ITSN2: variants seen among roughly 807,000 people sequenced by gnomAD.
The protein encoded by ITSN2 is intersectin 2.
ITSN2 carries 156 observed loss-of-function variants against 243.7 expected under a neutral mutation model. That is an observed-to-expected ratio of 0.64 (90% CI 0.56 to 0.73). ITSN2 has a LOEUF of 0.73. Among genes scored for constraint, ITSN2 ranks in the 30% least tolerant of loss-of-function variants. The pLI, the probability that ITSN2 is intolerant of heterozygous loss-of-function variation, is 0.00. For synonymous variants in ITSN2, 703 were observed against 699.9 expected, an observed-to-expected ratio of 1.00 and a Z score of -0.07; for missense variants, 1,801 against 1,996.1, an observed-to-expected ratio of 0.90 and a Z score of 1.86.
intron 12 of ITSN2, 57 bp downstream of exon 12, chr2:24,299,852 T>C (rs1681494268): frequency 7.1e-6 from 10 of 1,399,336 alleles, no homozygotes; most frequent in African/African-American, 1.5e-5. Context: ...TCAAATGAAA[T>C]ATAGTCACTT....
At chr2:24,268,447 C>G (rs984407951) in intron 20 of ITSN2, among the ~76,000 whole-genome samples, 3 of 152,136 alleles carry the variant, frequency 2.0e-5, no homozygotes, top group African/African-American at 7.2e-5. Context: ...AGCCTTCTAG[C>G]CTTTTCAAGA....
At chr2:24,248,524 GGAATGA>G in intron 27 of ITSN2, 99 bp downstream of exon 27, 1 of 843,246 alleles carries the variant, frequency 1.2e-6, no homozygotes, top group Non-Finnish European at 1.8e-6. Flanking sequence ...ACCTCTAAGT[GGAATGA>G]TTATGGGTGA....
At chr2:24,340,200 G>T (rs915526087) in intron 1 of ITSN2, among the ~76,000 whole-genome samples, 1 of 152,024 alleles carries the variant, frequency 6.6e-6, no homozygotes, top group African/African-American at 2.4e-5. Flanking sequence ...GAATGTACTT[G>T]GCAGGGCGCG....
chr2:24,342,744 G>A (rs1175580949), intron 1 of ITSN2, among the ~76,000 whole-genome samples: 1 of 151,838 alleles, frequency 6.6e-6, no homozygotes, highest in Non-Finnish European at 1.5e-5. Flanking sequence ...CTCTGCAAAA[G>A]CAGAGTAACT....
In ITSN2 at chr2:24,298,793, G is replaced by T; in HGVS notation, c.1366C>A (p.Arg456=). The change falls in exon 13 of 40, where the codon CGA becomes AGA. Residue 456 remains arginine, a synonymous_variant. Coordinates refer to ENST00000355123, the MANE Select transcript of ITSN2 (RefSeq NM_006277.3). ...CTCTCCCATTCTAAGCGACGTTGTC[G>T]TTCAAGTTCCTGTTTTGCTGCCTGA... The part of the protein sequence containing the change: ...RREAAKQELE[R]QRRLEWERIR... 2 of 1,596,142 alleles carry T rather than the reference G, an allele frequency of 1.3e-6. No individual in the cohort carries two copies. Among genetic ancestry groups the T allele is most frequent in the Non-Finnish European group, 1.7e-6 (2 of 1,174,656 alleles).
chr2:24,302,219 G>T, intron 9 of ITSN2, 117 bp from the exon 10 acceptor site: 1 of 546,760 alleles, frequency 1.8e-6, no homozygotes, highest in Non-Finnish European at 2.7e-6. Flanking sequence ...ATTTATTTGA[G>T]ATGGAGTCTA....
chr2:24,284,888 ATTTTTTTTTT>A (rs138100580), intron 16 of ITSN2, 45 bp from the exon 17 acceptor site: 38 of 370,652 alleles, frequency 1.0e-4, no homozygotes, highest in African/African-American at 1.4e-4. Flanking sequence ...TACGTACAGA[ATTTTTTTTTT>A]TTTTTTTTTT....
chr2:24,218,861 T>C (rs1005276272), intron 30 of ITSN2, among the ~76,000 whole-genome samples: 3 of 152,180 alleles, frequency 2.0e-5, no homozygotes, highest in African/African-American at 7.2e-5. Context: ...CCTGAGACAC[T>C]CTTCTCATAT....
At chr2:24,350,298 C>A (rs1228941422) in intron 1 of ITSN2, among the ~76,000 whole-genome samples, 5 of 152,118 alleles carry the variant, frequency 3.3e-5, no homozygotes, top group Non-Finnish European at 7.4e-5. Context: ...ACAATTTTTC[C>A]ACTGTGATTC....
chr2:24,214,144 A>G (rs1481477051), intron 32 of ITSN2, among the ~76,000 whole-genome samples: 2 of 152,164 alleles, frequency 1.3e-5, no homozygotes, highest in Non-Finnish European at 2.9e-5. Context: ...TCCTGAGATA[A>G]TCCTATTTGG....
chr2:24,337,391 C>T lies in ITSN2; in HGVS notation c.-33-9276G>A, dbSNP rs192655860. On this transcript the variant is annotated intron_variant, in intron 1 of 39. Coordinates refer to ENST00000355123, the MANE Select transcript of ITSN2 (RefSeq NM_006277.3). Reference sequence around the variant, plus strand: ...TTTAAGACAGAGTCTCGCTCTATCACCCAGGCTGGAGTGCAGTGGCATGAT... The same window carrying T: ...TTTAAGACAGAGTCTCGCTCTATCATCCAGGCTGGAGTGCAGTGGCATGAT... Among the ~76,000 whole-genome samples, 1,031 of 133,874 alleles carry T rather than the reference C, an allele frequency of 7.7e-3. 11 individuals are homozygous for T. Among genetic ancestry groups the T allele is most frequent in the African/African-American group, 0.027 (994 of 36,558 alleles). The allele number at this position is 133,874 out of a possible 152,430, so 87.8% of individuals were successfully genotyped here. A position where few individuals can be genotyped will look rare whatever the true frequency, so the allele number is the denominator to read the frequency against.
chr2:24,228,317 T>C (rs1468773808), intron 29 of ITSN2, among the ~76,000 whole-genome samples: 1 of 151,958 alleles, frequency 6.6e-6, no homozygotes. Context: ...TTACCACTAA[T>C]AGACATGACT....
chr2:24,318,301 A>C (rs1432796892), intron 2 of ITSN2, among the ~76,000 whole-genome samples: 1 of 152,038 alleles, frequency 6.6e-6, no homozygotes, highest in Non-Finnish European at 1.5e-5. Flanking sequence ...ACGTGCGACT[A>C]CAGCTGGCTA....
chr2:24,317,385 C>CAAAAA (rs780304772), intron 2 of ITSN2, among the ~76,000 whole-genome samples: 1 of 113,472 alleles, frequency 8.8e-6, no homozygotes, highest in Non-Finnish European at 1.9e-5. Flanking sequence ...GACGCAATCT[C>CAAAAA]AAAAAAAAAA....
At chr2:24,246,960 T>G in intron 27 of ITSN2, 67 bp from the exon 28 acceptor site, 1 of 1,105,272 alleles carries the variant, frequency 9.0e-7, no homozygotes, top group Non-Finnish European at 1.3e-6. Flanking sequence ...AGACATAACT[T>G]AAAAATTAGA....
chr2:24,213,612 T>C (rs985535202), intron 32 of ITSN2, among the ~76,000 whole-genome samples: 1 of 152,228 alleles, frequency 6.6e-6, no homozygotes, highest in African/African-American at 2.4e-5. Flanking sequence ...TATTGCTAGA[T>C]TTTGCTTTTT....
chr2:24,311,424 T>C (rs755091701), intron 5 of ITSN2, among the ~76,000 whole-genome samples: 7 of 152,146 alleles, frequency 4.6e-5, no homozygotes, highest in Non-Finnish European at 1.0e-4. Flanking sequence ...CCGACTAGAA[T>C]GAAGTGGCTA....
chr2:24,267,274 T>C (rs1030158256), intron 20 of ITSN2, among the ~76,000 whole-genome samples: 2 of 151,110 alleles, frequency 1.3e-5, no homozygotes, highest in Admixed American at 6.6e-5. Flanking sequence ...TTAGGAGAAA[T>C]ACCTAACGTA....
intron 29 of ITSN2, chr2:24,240,388 T>A (rs1672585999): frequency 6.6e-6 from 1 of 152,218 alleles, no homozygotes; most frequent in African/African-American, 2.4e-5. Context: ...CCTATTAATG[T>A]CATATTTATA....
Sources: allele counts gnomAD v4.1 joint callset (sites outside exome capture counted in the v4.1 genomes callset), GRCh38; gene constraint gnomAD v4.1.1; transcripts MANE v1.5; gene names NCBI Gene and HGNC (gene_info 2026-07-23, HGNC 2026-07-21).